Variants in SLC6A3 observed in about 807,000 individuals in gnomAD.
SLC6A3 encodes sodium-dependent dopamine transporter.
A neutral mutation model predicts 70.4 loss-of-function variants in SLC6A3; 19 were observed. The observed-to-expected ratio is 0.27, with a 90% CI of 0.19 to 0.40. SLC6A3 has a LOEUF of 0.40. Ranked by LOEUF, SLC6A3 falls within the 10% of genes least tolerant of loss-of-function variation. The probability of loss-of-function intolerance (pLI) is 1.00; values close to 1 mark genes in which losing one functional copy is unlikely to be tolerated. For synonymous variants in SLC6A3, 368 were observed against 356.6 expected, an observed-to-expected ratio of 1.03 and a Z score of -0.36; for missense variants, 613 against 838.5, an observed-to-expected ratio of 0.73 and a Z score of 3.32.
chr5:1,393,138 AC>A lies in SLC6A3; in HGVS notation c.*1596del, dbSNP rs1755620413. ...GGCAGTTCACAGGCTGACGGCTCCC[AC>A]CGAGCATTACACTCCAGTCCCTGGA... On this transcript the variant is annotated 3_prime_UTR_variant, in exon 15 of 15. Coordinates refer to ENST00000270349, the MANE Select transcript of SLC6A3 (RefSeq NM_001044.5). 6.6e-6 allele frequency: 1 copy of A among 152,180 alleles called. No individual in the cohort carries two copies. The highest frequency in any genetic ancestry group is 6.5e-5 in the Admixed American group (1 of 15,282). 9.4% of individuals were successfully genotyped at this position (152,180 alleles called of 1,614,324 possible). A position where few individuals can be genotyped will look rare whatever the true frequency, so the allele number is the denominator to read the frequency against.
rs868519946 is a variant in SLC6A3, at chr5:1,406,500, G to A, written c.1499-212C>T. On this transcript the variant is annotated intron_variant, in intron 11 of 14. Coordinates refer to ENST00000270349, the MANE Select transcript of SLC6A3 (RefSeq NM_001044.5). This position sits in a 1 kb window ranked among gnomAD's most constrained non-coding sequence, Gnocchi z 8.8. ...GAGCCCACGTGCCTGCTCCACCCTG[G>A]AGATGCACCAGGAAGAGCCGTGCCC... Among the ~76,000 whole-genome samples the A allele has an allele frequency of 6.6e-5, 10 of 152,182 alleles. No homozygotes were observed. Among genetic ancestry groups the A allele is most frequent in the African/African-American group, 1.9e-4 (8 of 41,442 alleles).
chr5:1,424,592 T>C (rs1230190262), intron 4 of SLC6A3, among the ~76,000 whole-genome samples: 6 of 152,096 alleles, frequency 3.9e-5, no homozygotes, highest in African/African-American at 1.4e-4. Context: ...CTTGCCCAGG[T>C]GCCTGGAGAA....
chr5:1,438,815 C>G lies in SLC6A3; in HGVS notation c.418+2544G>C, dbSNP rs1756901144. Among the ~76,000 whole-genome samples, 1 of 152,200 alleles carries G rather than the reference C, an allele frequency of 6.6e-6. No homozygotes were observed. The highest frequency in any genetic ancestry group is 6.5e-5 in the Admixed American group (1 of 15,286). ...TGGCTCTTGAAAATCCAGCAAAGCA[C>G]AGTTGGATGTCGCTGCAGCCTGTGC... On this transcript the variant is annotated intron_variant, in intron 3 of 14. Transcript: ENST00000270349. The surrounding 1 kb of genome is among the most constrained non-coding windows in gnomAD (Gnocchi z 6.5).
chr5:1,426,018 T>TAAGTGTTGTCAAGGATGTGGGG (rs1213103643), intron 4 of SLC6A3, among the ~76,000 whole-genome samples: 3 of 152,080 alleles, frequency 2.0e-5, no homozygotes, highest in Non-Finnish European at 4.4e-5. Flanking sequence ...AAGCAGAAAG[T>TAAGTGTTGTCAAGGATGTGGGG]AAGTGTTGTC....
chr5:1,417,639 G>A (rs76838441), intron 6 of SLC6A3, among the ~76,000 whole-genome samples: 1 of 152,266 alleles, frequency 6.6e-6, no homozygotes, highest in African/African-American at 2.4e-5. Context: ...ACCTGCTAAG[G>A]TGAGGGCACT....
intron 3 of SLC6A3, among the ~76,000 whole-genome samples, chr5:1,439,655 G>C (rs984316978): frequency 2.6e-5 from 4 of 152,208 alleles, no homozygotes; most frequent in African/African-American, 9.7e-5. Flanking sequence ...TGCTGGGCTC[G>C]GCTGTCTTCT....
intron 7 of SLC6A3, 44 bp downstream of exon 7, chr5:1,416,054 C>T: frequency 4.9e-6 from 7 of 1,415,528 alleles, no homozygotes; most frequent in Non-Finnish European, 7.0e-6. Context: ...GCGACCTCTC[C>T]CTAGTATTGA....
chr5:1,420,045 T>C (rs913558663), intron 6 of SLC6A3, among the ~76,000 whole-genome samples: 2 of 152,174 alleles, frequency 1.3e-5, no homozygotes, highest in South Asian at 4.2e-4. Context: ...CCAGCTGAGA[T>C]GGCCCTTCCC....
In SLC6A3 at chr5:1,411,889, C is replaced by T. The variant is rs910153300; in HGVS notation, c.1157-534G>A. Among the ~76,000 whole-genome samples, 1 of 151,228 alleles carries T rather than the reference C, an allele frequency of 6.6e-6. No homozygotes were observed. The highest frequency in any genetic ancestry group is 1.5e-5 in the Non-Finnish European group (1 of 67,976). On this transcript the variant is annotated intron_variant, in intron 8 of 14. Transcript: ENST00000270349. The surrounding 1 kb of genome is among the most constrained non-coding windows in gnomAD (Gnocchi z 6.5). ...ATACCATGCAACATACACACTCAGA[C>T]ACACATACCATGCAATATACACACA...
Position 1,432,475 on chromosome 5 carries a change from G to A in SLC6A3, c.642C>T (p.Ala214=), listed in dbSNP as rs369766460. Residue 214 remains alanine (A), a synonymous_variant, in exon 4 of 15, where the codon GCC becomes GCT. Transcript: ENST00000270349. The stretch of plus-strand genomic sequence containing the variant: ...CGACTCCCACTTACTCAAAGTACTC[G>A]GCAGCAGGTGTGGTCCCAAAAGTGT... ...LNDTFGTTPA[A]EYFERGVLHL... The A allele has an allele frequency of 7.8e-5, 126 of 1,613,462 alleles. No individual in the cohort carries two copies. The highest frequency in any genetic ancestry group is 2.7e-4 in the East Asian group (12 of 44,894).
chr5:1,417,680 C>A (rs538384802), intron 6 of SLC6A3, among the ~76,000 whole-genome samples: 21 of 152,386 alleles, frequency 1.4e-4, no homozygotes, highest in African/African-American at 5.0e-4. Flanking sequence ...CAGATGCCCA[C>A]CTTGCCCTTC....
intron 3 of SLC6A3, among the ~76,000 whole-genome samples, chr5:1,434,715 C>T (rs989293559): frequency 5.3e-5 from 8 of 152,180 alleles, no homozygotes; most frequent in East Asian, 1.9e-4. Flanking sequence ...GGCACCATGC[C>T]GTCTTGCCTG....
In SLC6A3 at chr5:1,421,792, C is replaced by G. The variant is rs28382240; in HGVS notation, c.792+84G>C. 6.8e-6 allele frequency: 10 copies of G among 1,472,016 alleles called. No homozygotes were observed. The highest frequency in any genetic ancestry group is 2.3e-5 in the East Asian group (1 of 44,198). 91.2% of individuals were successfully genotyped at this position (1,472,016 alleles called of 1,614,324 possible). ...AGCACAAAACCCAACTGAGGCCACA[C>G]GTGCACCTCCTGTCCAGCCACGGCC... On this transcript the variant is annotated intron_variant, in intron 5 of 14. Transcript: ENST00000270349. This position sits in a 1 kb window ranked among gnomAD's most constrained non-coding sequence, Gnocchi z 7.2.
chr5:1,444,361 GACACACAGAC>G (rs1733750108), intron 1 of SLC6A3, among the ~76,000 whole-genome samples: 1 of 151,138 alleles, frequency 6.6e-6, no homozygotes, highest in Admixed American at 6.6e-5. Context: ...CGCACACACA[GACACACAGAC>G]ACACACAGAC....
At chr5:1,420,729 G>T (rs565773695) in intron 5 of SLC6A3, 26 bp from the exon 6 acceptor site, 1 of 1,612,262 alleles carries the variant, frequency 6.2e-7, no homozygotes, top group African/African-American at 1.3e-5. Context: ...GTGTCACCAG[G>T]CTGCACAGGC....
At chr5:1,422,449 CA>C in intron 4 of SLC6A3, among the ~76,000 whole-genome samples, 17 of 54,164 alleles carry the variant, frequency 3.1e-4, no homozygotes, top group Admixed American at 4.4e-4. Context: ...CCGCTGCCCA[CA>C]GTGCTGCCCA....
Position 1,405,279 on chromosome 5 carries a change from T to C in SLC6A3, c.1599+909A>G, listed in dbSNP as rs1560907421. 6.6e-6 allele frequency among the ~76,000 whole-genome samples: 1 copy of C among 152,200 alleles called. No homozygotes were observed. Among genetic ancestry groups the C allele is most frequent in the Non-Finnish European group, 1.5e-5 (1 of 68,022 alleles). ...TAGGGCCTGTCTCTCATCTCTTTCC[T>C]GTACCCCGGAACCCCTCTGCTGGCA... On this transcript the variant is annotated intron_variant, in intron 12 of 14. Transcript: ENST00000270349. The surrounding 1 kb of genome is among the most constrained non-coding windows in gnomAD (Gnocchi z 5.3).
At chr5:1,410,836 G>C (rs1380833470) in intron 9 of SLC6A3, among the ~76,000 whole-genome samples, 16 of 151,934 alleles carry the variant, frequency 1.1e-4, no homozygotes, top group Admixed American at 1.0e-3. Context: ...GTGCATGTGT[G>C]TGTTCGTGTG....
chr5:1,422,334 A>C (rs1756457323), intron 4 of SLC6A3, among the ~76,000 whole-genome samples: 1 of 150,352 alleles, frequency 6.7e-6, no homozygotes, highest in Admixed American at 6.6e-5. Context: ...CAGAAACCAA[A>C]AGGAAGTTGC....
Sources: allele counts gnomAD v4.1 joint callset (sites outside exome capture counted in the v4.1 genomes callset), GRCh38; gene constraint gnomAD v4.1.1; non-coding constraint Gnocchi (gnomAD v3.1); transcripts MANE v1.5; gene names NCBI Gene and HGNC (gene_info 2026-07-23, HGNC 2026-07-21).